SH3D19: variants seen among roughly 807,000 people sequenced by gnomAD.
SH3D19 encodes the protein SH3 domain containing 19.
A neutral mutation model predicts 112.1 loss-of-function variants in SH3D19; 58 were observed. The observed-to-expected ratio is 0.52, with a 90% confidence interval of 0.42 to 0.64. The LOEUF is 0.64. Ranked by LOEUF, SH3D19 falls within the 30% of genes least tolerant of loss-of-function variation. The pLI, the probability that SH3D19 is intolerant of heterozygous loss-of-function variation, is 0.00. For missense variants in SH3D19, 1,090 were observed against 1,263.4 expected (o/e 0.86, Z 2.08); for synonymous variants, 391 against 448.5 (o/e 0.87, Z 1.62).
chr4:151,252,787 C>T (rs1771516092), intron 1 of SH3D19, among the ~76,000 whole-genome samples: 1 of 152,264 alleles, frequency 6.6e-6, no homozygotes, highest in Admixed American at 6.5e-5. Context: ...TCCTCCTACA[C>T]TGTGCCCCAT....
chr4:151,206,522 T>C (rs1765135985), intron 2 of SH3D19, among the ~76,000 whole-genome samples: 1 of 152,232 alleles, frequency 6.6e-6, no homozygotes, highest in South Asian at 2.1e-4. Flanking sequence ...TCTCAATATA[T>C]TCATGGCACC....
chr4:151,283,299 T>G, intron 1 of SH3D19: 1 of 1,608,190 alleles, frequency 6.2e-7, no homozygotes, highest in East Asian at 2.2e-5. Flanking sequence ...CAGGGTTTGC[T>G]CTAGAGAATT....
intron 1 of SH3D19, among the ~76,000 whole-genome samples, chr4:151,285,141 A>G (rs1174528125): frequency 6.6e-6 from 1 of 152,178 alleles, no homozygotes; most frequent in Non-Finnish European, 1.5e-5. Flanking sequence ...GATTGACTCT[A>G]GTTTCTGCCT....
intron 1 of SH3D19, among the ~76,000 whole-genome samples, chr4:151,306,476 G>A (rs1728924020): frequency 6.6e-6 from 1 of 152,076 alleles, no homozygotes; most frequent in African/African-American, 2.4e-5. Flanking sequence ...ATTCAGATAT[G>A]CTAAAAAGTT....
chr4:151,199,299 C>T (rs1345794701), intron 2 of SH3D19, among the ~76,000 whole-genome samples: 1 of 152,038 alleles, frequency 6.6e-6, no homozygotes, highest in African/African-American at 2.4e-5. Flanking sequence ...CAACTGTCCC[C>T]AAACAAACAG....
rs149762083 is a variant in SH3D19, at chr4:151,315,736, G to C, written c.112+9505C>G. ...GGAGGCAGAGGCAAGAAGATCCCTC[G>C]AGCCCAGGAGTCTGAGTACAGCCTG... On this transcript the variant is annotated intron_variant, in intron 1 of 19. Transcript: ENST00000604030. Among the ~76,000 whole-genome samples the C allele has an allele frequency of 8.4e-4, 128 of 151,990 alleles. 1 individual carries two copies. Among genetic ancestry groups the C allele is most frequent in the Middle Eastern group, 3.4e-3 (1 of 294 alleles).
At chr4:151,203,525 T>C (rs1306426635) in intron 2 of SH3D19, among the ~76,000 whole-genome samples, 1 of 152,202 alleles carries the variant, frequency 6.6e-6, no homozygotes, top group Non-Finnish European at 1.5e-5. Context: ...TTACGGACCA[T>C]GGCTGGAGAT....
chr4:151,168,183 G>A lies in SH3D19; in HGVS notation c.1535-2487C>T, dbSNP rs533885045. Among the ~76,000 whole-genome samples, 4 of 4,910 alleles carry A rather than the reference G, an allele frequency of 8.1e-4. No individual in the cohort carries two copies. The South Asian group carries it at 0.012, about 14-fold the overall frequency. The allele number at this position is 4,910 out of a possible 152,430, so 3.2% of individuals were successfully genotyped here. On this transcript the variant is annotated intron_variant, in intron 7 of 19. Coordinates refer to ENST00000604030, the MANE Select transcript of SH3D19 (RefSeq NM_001378122.1). Reference sequence around the variant, plus strand: ...ATTCACGAGGTTTATTAGAAGGTGAGAAGTATATTGAAAAAGGTGAGAAGT... The same window carrying A: ...ATTCACGAGGTTTATTAGAAGGTGAAAAGTATATTGAAAAAGGTGAGAAGT...
chr4:151,132,264 T>A (rs1750880515), intron 17 of SH3D19, 67 bp downstream of exon 17: 1 of 1,292,862 alleles, frequency 7.7e-7, no homozygotes, highest in Non-Finnish European at 1.1e-6. Flanking sequence ...TTGAAAATTA[T>A]GATTTTAATA....
chr4:151,236,739 A>C (rs180699037), intron 1 of SH3D19, among the ~76,000 whole-genome samples: 1 of 151,500 alleles, frequency 6.6e-6, no homozygotes, highest in East Asian at 1.9e-4. Flanking sequence ...CTAGCTAATC[A>C]GGTGGGGACT....
At chr4:151,166,395 T>C (rs1758031400) in intron 7 of SH3D19, 1 of 152,118 alleles carries the variant, frequency 6.6e-6, no homozygotes, top group African/African-American at 2.4e-5. Context: ...AGTATATACT[T>C]AGGAGAAATA....
intron 8 of SH3D19, among the ~76,000 whole-genome samples, chr4:151,160,478 T>C (rs1756965506): frequency 6.6e-6 from 1 of 152,178 alleles, no homozygotes; most frequent in African/African-American, 2.4e-5. Flanking sequence ...CACACCCACA[T>C]CAGTGATAAT....
chr4:151,136,244 C>T (rs1159516776), intron 14 of SH3D19, among the ~76,000 whole-genome samples: 1 of 152,164 alleles, frequency 6.6e-6, no homozygotes, highest in Non-Finnish European at 1.5e-5. Flanking sequence ...CCCTCCCATG[C>T]TCACACCATC....
chr4:151,207,142 C>T (rs7690329), intron 2 of SH3D19, among the ~76,000 whole-genome samples: 125,163 of 152,056 alleles, frequency 0.82, 53,354 homozygotes, highest in Non-Finnish European at 0.95. Flanking sequence ...TCAGCTGAGA[C>T]TGGAGGCTTG....
intron 3 of SH3D19, among the ~76,000 whole-genome samples, chr4:151,185,606 C>T (rs1761658465): frequency 6.6e-6 from 1 of 152,148 alleles, no homozygotes; most frequent in South Asian, 2.1e-4. Flanking sequence ...TTCTCTTCAT[C>T]TCATACCATA....
intron 2 of SH3D19, among the ~76,000 whole-genome samples, chr4:151,189,799 T>G (rs1762357088): frequency 6.6e-6 from 1 of 152,158 alleles, no homozygotes; most frequent in African/African-American, 2.4e-5. Context: ...GAAAACAGGC[T>G]AATACAGTAA....
intron 2 of SH3D19, among the ~76,000 whole-genome samples, chr4:151,216,600 G>A (rs1445716503): frequency 1.3e-5 from 2 of 152,144 alleles, no homozygotes; most frequent in South Asian, 2.1e-4. Context: ...AGTTCCATGC[G>A]CCCTGGACTG....
chr4:151,127,232 C>G (rs551457516), intron 19 of SH3D19, among the ~76,000 whole-genome samples: 1 of 152,190 alleles, frequency 6.6e-6, no homozygotes, highest in African/African-American at 2.4e-5. Flanking sequence ...CAGGTGCTAT[C>G]TGATTCTCCA....
At chr4:151,140,166 G>A (rs1297179259) in intron 12 of SH3D19, 3 of 215,868 alleles carry the variant, frequency 1.4e-5, no homozygotes, top group Non-Finnish European at 1.8e-5. Flanking sequence ...CTACCCCAAA[G>A]TAGTGGTTTT....
Sources: allele counts gnomAD v4.1 joint callset (sites outside exome capture counted in the v4.1 genomes callset), GRCh38; gene constraint gnomAD v4.1.1; transcripts MANE v1.5; gene names NCBI Gene and HGNC (gene_info 2026-07-23, HGNC 2026-07-21).